AGO2: variants seen among roughly 807,000 people sequenced by gnomAD.
AGO2 encodes protein argonaute-2.
Under a neutral mutation model 102.3 loss-of-function variants are expected in AGO2, and 5 were observed. That is an observed-to-expected ratio of 0.05 (90% confidence interval 0.03 to 0.10). The LOEUF (loss-of-function observed/expected upper bound fraction) is 0.10. Ranked by LOEUF, AGO2 falls within the 10% of genes least tolerant of loss-of-function variation. AGO2 has a pLI of 1.00. For synonymous variants in AGO2, 449 were observed against 473.1 expected (o/e 0.95, Z 0.66); for missense variants, 541 against 1,183.7 (o/e 0.46, Z 7.97).
At chr8:140,593,487 C>T (rs954406416) in intron 1 of AGO2, among the ~76,000 whole-genome samples, 1 of 151,146 alleles carries the variant, frequency 6.6e-6, no homozygotes, top group East Asian at 1.9e-4. Context: ...CCACTGTGCC[C>T]GGCCGACATA....
intron 1 of AGO2, among the ~76,000 whole-genome samples, chr8:140,602,534 A>G (rs1452580044): frequency 6.6e-6 from 1 of 152,254 alleles, no homozygotes; most frequent in Non-Finnish European, 1.5e-5. Flanking sequence ...GACTCCGTGA[A>G]ATAAGCTTTA....
intron 1 of AGO2, among the ~76,000 whole-genome samples, chr8:140,614,188 G>A (rs2074114244): frequency 6.6e-6 from 1 of 152,116 alleles, no homozygotes; most frequent in African/African-American, 2.4e-5. Context: ...ACTGGGCGTG[G>A]CGTGTGCTTG....
At chr8:140,546,413 C>T (rs932246376) in intron 13 of AGO2, among the ~76,000 whole-genome samples, 2 of 152,230 alleles carry the variant, frequency 1.3e-5, no homozygotes, top group Non-Finnish European at 2.9e-5. Context: ...CACTCGGGAA[C>T]GAGCCCCGCT....
chr8:140,533,429 T>C (rs1029293016), intron 17 of AGO2, among the ~76,000 whole-genome samples: 1 of 148,610 alleles, frequency 6.7e-6, no homozygotes, highest in African/African-American at 2.5e-5. Flanking sequence ...ATATTGAAAG[T>C]GGACGTAACA....
chr8:140,543,280 G>A (rs1248240315), intron 14 of AGO2, among the ~76,000 whole-genome samples: 1 of 152,160 alleles, frequency 6.6e-6, no homozygotes, highest in African/African-American at 2.4e-5. Flanking sequence ...CGGGCCAAGT[G>A]GCAAGAATTA....
chr8:140,562,435 C>G lies in AGO2; in HGVS notation c.518+18G>C. ...TGCAGGGGAGTCCCCCGCCCTTGGT[C>G]CCGTGTGGCGCCCTCACCTCATGGA... On this transcript the variant is annotated intron_variant, in intron 4 of 18. Transcript: ENST00000220592. 6.2e-7 allele frequency: 1 copy of G among 1,601,186 alleles called. No homozygotes were observed.
chr8:140,639,053 G>A (rs950942436), upstream of AGO2, among the ~76,000 whole-genome samples: 1 of 152,052 alleles, frequency 6.6e-6, no homozygotes, highest in African/African-American at 2.4e-5. Flanking sequence ...AATCTTTGTA[G>A]AGATGATGTT....
At chr8:140,582,807 C>G (rs2073577133) in intron 2 of AGO2, among the ~76,000 whole-genome samples, 1 of 152,150 alleles carries the variant, frequency 6.6e-6, no homozygotes. Flanking sequence ...CTAAAAAGTT[C>G]TACTCATTAA....
chr8:140,543,109 C>T (rs1479286788), intron 14 of AGO2, among the ~76,000 whole-genome samples: 3 of 151,982 alleles, frequency 2.0e-5, no homozygotes, highest in African/African-American at 4.8e-5. Flanking sequence ...TGCAATCCAG[C>T]CCGGGTGACA....
intron 14 of AGO2, among the ~76,000 whole-genome samples, chr8:140,543,503 T>C (rs1368486813): frequency 1.3e-5 from 2 of 152,248 alleles, no homozygotes; most frequent in African/African-American, 4.8e-5. Context: ...TTGGCCAGGC[T>C]GGAGTGCAGC....
At chr8:140,628,983 C>T (rs1588519559) in intron 1 of AGO2, among the ~76,000 whole-genome samples, 1 of 152,104 alleles carries the variant, frequency 6.6e-6, no homozygotes, top group Middle Eastern at 3.4e-3. Context: ...CCCAGCTACT[C>T]AGGAGGCTGA....
intron 4 of AGO2, among the ~76,000 whole-genome samples, chr8:140,562,056 C>T (rs2073210771): frequency 6.6e-6 from 1 of 152,176 alleles, no homozygotes; most frequent in Non-Finnish European, 1.5e-5. Context: ...CCCCAACAGT[C>T]ACAAAAAGCA....
chr8:140,581,142 C>T (rs1031456823), intron 2 of AGO2, among the ~76,000 whole-genome samples: 3 of 152,254 alleles, frequency 2.0e-5, no homozygotes, highest in Non-Finnish European at 4.4e-5. Context: ...GTGGCTCACA[C>T]CTGTAATCCC....
intron 1 of AGO2, among the ~76,000 whole-genome samples, chr8:140,611,717 A>T (rs1363245371): frequency 6.6e-6 from 1 of 152,140 alleles, no homozygotes; most frequent in African/African-American, 2.4e-5. Context: ...GGCTACCCCA[A>T]GGAGAGGCAC....
chr8:140,568,126 A>G (rs933154822), intron 3 of AGO2, among the ~76,000 whole-genome samples: 23 of 142,220 alleles, frequency 1.6e-4, no homozygotes, highest in Non-Finnish European at 4.6e-5. Context: ...AAAAAAAAAG[A>G]AAAGAAAATT....
intron 1 of AGO2, among the ~76,000 whole-genome samples, chr8:140,625,458 T>TCCCCAG (rs954768314): frequency 6.6e-6 from 1 of 151,910 alleles, no homozygotes; most frequent in African/African-American, 2.4e-5. Flanking sequence ...AACTCGCCCC[T>TCCCCAG]CCCCAGCCCC....
chr8:140,558,683 G>A, intron 6 of AGO2, 111 bp from the exon 7 acceptor site: 1 of 1,172,194 alleles, frequency 8.5e-7, no homozygotes, highest in South Asian at 1.3e-5. Context: ...CAAGTTATGG[G>A]GGGCTGCAGG....
intron 1 of AGO2, among the ~76,000 whole-genome samples, chr8:140,598,725 G>A (rs1318536715): frequency 1.3e-5 from 2 of 152,112 alleles, no homozygotes; most frequent in East Asian, 1.9e-4. Flanking sequence ...CCCCAACCCC[G>A]TTTCCTCCTC....
chr8:140,551,494 T>G, intron 10 of AGO2, 58 bp from the exon 11 acceptor site: 1 of 1,415,082 alleles, frequency 7.1e-7, no homozygotes, highest in Non-Finnish European at 9.3e-7. Flanking sequence ...TCCTTCAACC[T>G]TAGACTTTGT....
Sources: gnomAD v4.1 joint callset for allele counts (sites outside exome capture counted in the v4.1 genomes callset) on GRCh38, gnomAD v4.1.1 for gene constraint, MANE v1.5 for transcripts, NCBI Gene and HGNC (gene_info 2026-07-23, HGNC 2026-07-21) for gene names.